PCDH9: variants seen among roughly 807,000 people sequenced by gnomAD.
PCDH9 encodes the protein protocadherin-9.
PCDH9 carries 24 observed loss-of-function variants against 70.6 expected under a neutral mutation model. The ratio of observed to expected loss-of-function variants is 0.34; its 90% CI spans 0.25 to 0.48. The LOEUF is 0.48. Among genes scored for constraint, PCDH9 ranks in the 20% least tolerant of loss-of-function variants. The pLI is 0.99. For synonymous variants in PCDH9, 562 were observed against 558.5 expected, an observed-to-expected ratio of 1.01 and a Z score of -0.09; for missense variants, 1,281 against 1,503.6, an observed-to-expected ratio of 0.85 and a Z score of 2.45.
chr13:66,779,224 A>T (rs1336980708), intron 3 of PCDH9, among the ~76,000 whole-genome samples: 1 of 151,232 alleles, frequency 6.6e-6, no homozygotes, highest in Non-Finnish European at 1.5e-5. Context: ...GCAATATTTC[A>T]TTTCTGAAAA....
chr13:66,528,287 A>G (rs1960298025), intron 4 of PCDH9, among the ~76,000 whole-genome samples: 1 of 152,108 alleles, frequency 6.6e-6, no homozygotes, highest in Non-Finnish European at 1.5e-5. Context: ...TTCGCTTCAC[A>G]GGGGAGTCTT....
chr13:67,041,809 C>A (rs7317082), intron 2 of PCDH9, among the ~76,000 whole-genome samples: 100,556 of 146,270 alleles, frequency 0.69, 34,710 homozygotes, highest in African/African-American at 0.71. Flanking sequence ...CCAGCCTGGG[C>A]CACAGAGTGA....
intron 2 of PCDH9, among the ~76,000 whole-genome samples, chr13:67,162,831 G>GA (rs140145043): frequency 0.13 from 18,617 of 148,092 alleles, 1,483 homozygotes; most frequent in Admixed American, 0.2. Context: ...GTACTGAACT[G>GA]AAAAAAAAAA....
chr13:66,541,018 AT>A, intron 4 of PCDH9, among the ~76,000 whole-genome samples: 1 of 152,162 alleles, frequency 6.6e-6, no homozygotes, highest in East Asian at 1.9e-4. Context: ...AGCAGACTGG[AT>A]TGGGTTACAA....
chr13:66,731,883 A>T (rs1291605310), intron 3 of PCDH9, among the ~76,000 whole-genome samples: 1 of 152,044 alleles, frequency 6.6e-6, no homozygotes, highest in Non-Finnish European at 1.5e-5. Context: ...GTATCATGAC[A>T]AATAGACTCT....
intron 4 of PCDH9, among the ~76,000 whole-genome samples, chr13:66,426,326 A>C (rs1328869687): frequency 6.6e-6 from 1 of 151,676 alleles, no homozygotes; most frequent in Non-Finnish European, 1.5e-5. Flanking sequence ...TTTTTCAACC[A>C]AAGAATATGT....
intron 4 of PCDH9, among the ~76,000 whole-genome samples, chr13:66,393,500 A>T (rs186187739): frequency 1.3e-5 from 2 of 152,328 alleles, no homozygotes; most frequent in East Asian, 3.9e-4. Context: ...AATGCAATGT[A>T]TGGACATGTT....
intron 3 of PCDH9, among the ~76,000 whole-genome samples, chr13:66,744,263 C>A (rs566128336): frequency 1.3e-5 from 2 of 151,972 alleles, no homozygotes; most frequent in Admixed American, 1.3e-4. Flanking sequence ...TACTTTATGA[C>A]CAGATGAAGA....
At chr13:66,462,897 A>G (rs1433101196) in intron 4 of PCDH9, among the ~76,000 whole-genome samples, 1 of 151,826 alleles carries the variant, frequency 6.6e-6, no homozygotes, top group Non-Finnish European at 1.5e-5. Flanking sequence ...TTTCCACTAT[A>G]CAAAGAATTT....
At chr13:66,563,245 A>G (rs1383772205) in intron 4 of PCDH9, among the ~76,000 whole-genome samples, 2 of 152,122 alleles carry the variant, frequency 1.3e-5, no homozygotes, top group Non-Finnish European at 2.9e-5. Flanking sequence ...AAACAGCATC[A>G]TAGTCTATCA....
rs142627353 is a variant in PCDH9, at chr13:66,773,208, C to T, written c.3138+130296G>A. Among the ~76,000 whole-genome samples, 618 of 152,218 alleles carry T rather than the reference C, an allele frequency of 4.1e-3. 4 individuals are homozygous for T. Among genetic ancestry groups the T allele is most frequent in the African/African-American group, 0.014 (587 of 41,528 alleles). On this transcript the variant is annotated intron_variant, in intron 3 of 4. Coordinates refer to ENST00000377865, the MANE Select transcript of PCDH9 (RefSeq NM_203487.3). Reference sequence around the variant, plus strand: ...GGCTTTCCAATAGAATTTCCTTCAACGGAAGAAATGTTCAATGGCTGGAAA... The same window carrying T: ...GGCTTTCCAATAGAATTTCCTTCAATGGAAGAAATGTTCAATGGCTGGAAA...
chr13:66,686,719 G>T (rs940000221), intron 3 of PCDH9, among the ~76,000 whole-genome samples: 1 of 152,080 alleles, frequency 6.6e-6, no homozygotes, highest in Non-Finnish European at 1.5e-5. Context: ...AGTTTGGTGA[G>T]TGAATAATTT....
At chr13:66,362,229 A>G (rs1364904716) in intron 4 of PCDH9, among the ~76,000 whole-genome samples, 2 of 152,172 alleles carry the variant, frequency 1.3e-5, no homozygotes. Flanking sequence ...AAAATCTTTT[A>G]TGGGTTTAAA....
At chr13:66,814,552 C>G (rs980822673) in intron 3 of PCDH9, among the ~76,000 whole-genome samples, 7 of 152,068 alleles carry the variant, frequency 4.6e-5, no homozygotes, top group African/African-American at 1.7e-4. Context: ...CTGGAACAAT[C>G]TTGGTTTGAT....
At chr13:66,737,288 G>A (rs957501552) in intron 3 of PCDH9, among the ~76,000 whole-genome samples, 1 of 152,084 alleles carries the variant, frequency 6.6e-6, no homozygotes, top group Non-Finnish European at 1.5e-5. Flanking sequence ...GGTAATTTAA[G>A]GTTGATAAAT....
intron 3 of PCDH9, among the ~76,000 whole-genome samples, chr13:66,781,572 T>G (rs1054883450): frequency 2.6e-5 from 4 of 152,158 alleles, no homozygotes; most frequent in African/African-American, 9.7e-5. Flanking sequence ...AAAGAATACA[T>G]TTTTTGGTGA....
chr13:66,486,358 G>A (rs1266783611), intron 4 of PCDH9, among the ~76,000 whole-genome samples: 2 of 152,100 alleles, frequency 1.3e-5, no homozygotes, highest in African/African-American at 4.8e-5. Flanking sequence ...GGGTGGTGCT[G>A]AAGTGGAAGG....
chr13:66,908,092 T>G (rs1359411234), intron 2 of PCDH9, among the ~76,000 whole-genome samples: 2 of 152,200 alleles, frequency 1.3e-5, no homozygotes, highest in African/African-American at 4.8e-5. Context: ...TTGTCTAAAC[T>G]TGGTATCTTC....
intron 4 of PCDH9, among the ~76,000 whole-genome samples, chr13:66,624,384 G>A (rs934625536): frequency 6.6e-6 from 1 of 152,216 alleles, no homozygotes; most frequent in Admixed American, 6.5e-5. Flanking sequence ...TTCCCCTGCA[G>A]TAAAAGGTAA....
Sources: allele counts gnomAD v4.1 joint callset (sites outside exome capture counted in the v4.1 genomes callset), GRCh38; gene constraint gnomAD v4.1.1; transcripts MANE v1.5; gene names NCBI Gene and HGNC (gene_info 2026-07-23, HGNC 2026-07-21).